Variants in WWOX observed in about 807,000 individuals in gnomAD.
WWOX encodes the protein WW domain containing oxidoreductase, also known as WW domain-containing oxidoreductase.
Under a neutral mutation model 46.2 loss-of-function variants are expected in WWOX, and 69 were observed. The observed-to-expected ratio is 1.49, with a 90% CI of 1.23 to 1.82. The LOEUF is 1.82. Ranked by LOEUF, WWOX falls within the 40% of genes most tolerant of loss-of-function variation. The probability of loss-of-function intolerance (pLI) is 0.00; values close to 1 mark genes in which losing one functional copy is unlikely to be tolerated. For synonymous variants in WWOX, 359 were observed against 202.6 expected, an observed-to-expected ratio of 1.77 and a Z score of -6.56; for missense variants, 919 against 542.6, an observed-to-expected ratio of 1.69 and a Z score of -6.89.
intron 8 of WWOX, among the ~76,000 whole-genome samples, chr16:78,865,830 G>C (rs575622319): frequency 1.3e-5 from 2 of 152,190 alleles, no homozygotes; most frequent in East Asian, 1.9e-4. Flanking sequence ...CAGTGAGCCA[G>C]ATTGCACCAC....
At chr16:78,436,156 G>A (rs765916864) in intron 8 of WWOX, among the ~76,000 whole-genome samples, 77 of 148,178 alleles carry the variant, frequency 5.2e-4, no homozygotes, top group African/African-American at 1.7e-3. Context: ...TACTCTTGTC[G>A]TTGTGAGCAG....
chr16:78,622,102 G>A (rs1413343306), intron 8 of WWOX, among the ~76,000 whole-genome samples: 1 of 152,046 alleles, frequency 6.6e-6, no homozygotes, highest in African/African-American at 2.4e-5. Flanking sequence ...CATCATACCT[G>A]GGCAGCAGAT....
chr16:78,223,616 G>A lies in WWOX; in HGVS notation c.516+59327G>A, dbSNP rs77821749. Among the ~76,000 whole-genome samples the A allele has an allele frequency of 5.1e-3, 778 of 152,226 alleles. 8 individuals carry two copies. Among genetic ancestry groups the A allele is most frequent in the African/African-American group, 0.018 (739 of 41,548 alleles). ...TGCAAAGTGCTCAGCGTCCCTGGGC[G>A]GTGCAGAGTCTTGGGAAGCAAGAGG... On this transcript the variant is annotated intron_variant, in intron 5 of 8. Transcript: ENST00000566780.
At chr16:79,018,074 T>G (rs1210195666) in intron 8 of WWOX, among the ~76,000 whole-genome samples, 1 of 152,146 alleles carries the variant, frequency 6.6e-6, no homozygotes, top group East Asian at 1.9e-4. Context: ...AGTTACAGAG[T>G]TTCTCGGACC....
intron 8 of WWOX, among the ~76,000 whole-genome samples, chr16:79,057,500 T>C (rs1680961753): frequency 6.6e-6 from 1 of 152,190 alleles, no homozygotes; most frequent in Admixed American, 6.5e-5. Context: ...TTATTTCTGT[T>C]ATATTTCCTG....
intron 5 of WWOX, among the ~76,000 whole-genome samples, chr16:78,263,516 T>C (rs2079291169): frequency 6.6e-6 from 1 of 152,120 alleles, no homozygotes; most frequent in Non-Finnish European, 1.5e-5. Flanking sequence ...CACCATGCAG[T>C]GATGAAACGC....
At chr16:78,805,223 G>A (rs1167966141) in intron 8 of WWOX, among the ~76,000 whole-genome samples, 1 of 152,178 alleles carries the variant, frequency 6.6e-6, no homozygotes, top group Non-Finnish European at 1.5e-5. Flanking sequence ...GTTCACCACT[G>A]CCTCTGGAGA....
At chr16:79,163,884 G>GGAAAAA (rs1555537750) in intron 8 of WWOX, among the ~76,000 whole-genome samples, 29 of 136,438 alleles carry the variant, frequency 2.1e-4, no homozygotes, top group Non-Finnish European at 3.2e-4. Flanking sequence ...AAGAGAATTG[G>GGAAAAA]AAAAAAAAAA....
chr16:78,735,631 C>G (rs1004975935), intron 8 of WWOX, among the ~76,000 whole-genome samples: 1 of 152,226 alleles, frequency 6.6e-6, no homozygotes, highest in African/African-American at 2.4e-5. Context: ...GAGGAGACAG[C>G]AGACAGTTCC....
rs951029549 is a variant in WWOX, at chr16:78,902,940, G to C, written c.1057-308668G>C. 5.9e-5 allele frequency among the ~76,000 whole-genome samples: 9 copies of C among 152,338 alleles called. No individual in the cohort carries two copies. In the East Asian group the frequency reaches 1.7e-3, roughly 29 times the overall value. On this transcript the variant is annotated intron_variant, in intron 8 of 8. Coordinates refer to ENST00000566780, the MANE Select transcript of WWOX (RefSeq NM_016373.4). ...GTAAAGCTGCAAGGGAGTCGCGGCT[G>C]AGTCGAGGATCCACATTCCTGGATG...
chr16:78,988,563 G>A (rs1440514876), intron 8 of WWOX, among the ~76,000 whole-genome samples: 1 of 151,964 alleles, frequency 6.6e-6, no homozygotes, highest in African/African-American at 2.4e-5. Context: ...GGTCCCAGCG[G>A]AATAAACATC....
At chr16:79,158,880 G>A (rs183214506) in intron 8 of WWOX, among the ~76,000 whole-genome samples, 4 of 152,162 alleles carry the variant, frequency 2.6e-5, no homozygotes, top group Non-Finnish European at 4.4e-5. Context: ...CAAGGACCTA[G>A]GTCATTTTCA....
intron 8 of WWOX, among the ~76,000 whole-genome samples, chr16:78,877,062 C>G (rs1467620215): frequency 1.3e-5 from 2 of 152,172 alleles, no homozygotes; most frequent in African/African-American, 2.4e-5. Flanking sequence ...GAAACAAATT[C>G]TTTTCCTTAC....
chr16:78,528,165 A>ATC, intron 8 of WWOX, among the ~76,000 whole-genome samples: 1 of 58,400 alleles, frequency 1.7e-5, no homozygotes, highest in South Asian at 8.1e-4. Flanking sequence ...CACCTGGCTA[A>ATC]TTTTTTTTTT....
chr16:78,308,051 C>T lies in WWOX; in HGVS notation c.517-78809C>T, dbSNP rs528477085. 1.9e-3 allele frequency among the ~76,000 whole-genome samples: 283 copies of T among 151,236 alleles called. 2 individuals are homozygous for T. Among genetic ancestry groups the T allele is most frequent in the African/African-American group, 6.5e-3 (269 of 41,504 alleles). On this transcript the variant is annotated intron_variant, in intron 5 of 8. Transcript: ENST00000566780. Reference sequence around the variant, plus strand: ...TAGTTGAGTTAACCTTCCCATGGTGCCTGCACTAGCAGGGACTGGACTGAG... The same window carrying T: ...TAGTTGAGTTAACCTTCCCATGGTGTCTGCACTAGCAGGGACTGGACTGAG...
At chr16:78,369,798 G>C (rs1287027069) in intron 5 of WWOX, among the ~76,000 whole-genome samples, 1 of 151,986 alleles carries the variant, frequency 6.6e-6, no homozygotes, top group African/African-American at 2.4e-5. Context: ...TATGGTGATG[G>C]CCTATCATAT....
intron 8 of WWOX, among the ~76,000 whole-genome samples, chr16:79,076,978 C>CA (rs2048669077): frequency 6.6e-6 from 1 of 152,084 alleles, no homozygotes; most frequent in Non-Finnish European, 1.5e-5. Context: ...TTAAAGAGGT[C>CA]AATTATTAGG....
intron 8 of WWOX, among the ~76,000 whole-genome samples, chr16:78,636,267 A>G (rs1011984942): frequency 1.1e-4 from 16 of 152,160 alleles, no homozygotes; most frequent in Non-Finnish European, 1.0e-4. Context: ...GGTTATTGCA[A>G]ACCTACTGTG....
chr16:78,904,480 G>A (rs760965391), intron 8 of WWOX, among the ~76,000 whole-genome samples: 19 of 151,856 alleles, frequency 1.3e-4, no homozygotes, highest in Non-Finnish European at 2.5e-4. Context: ...CTTGTGATCT[G>A]CCTGCCCCAG....
Sources: gnomAD v4.1 joint callset for allele counts (sites outside exome capture counted in the v4.1 genomes callset) on GRCh38, gnomAD v4.1.1 for gene constraint, MANE v1.5 for transcripts, NCBI Gene and HGNC (gene_info 2026-07-23, HGNC 2026-07-21) for gene names.